Variants in CYP7B1 observed in about 807,000 individuals in gnomAD.
CYP7B1 encodes cytochrome P450 7B1.
In CYP7B1, 29 loss-of-function variants were observed where a neutral mutation model predicts 42.7. The observed-to-expected ratio is 0.68, with a 90% CI of 0.51 to 0.93. The LOEUF is 0.93. Among genes scored for constraint, CYP7B1 ranks in the 40% least tolerant of loss-of-function variants. CYP7B1 has a pLI of 0.00. For synonymous variants in CYP7B1, 235 were observed against 218.2 expected, an observed-to-expected ratio of 1.08 and a Z score of -0.68; for missense variants, 655 against 600.5, an observed-to-expected ratio of 1.09 and a Z score of -0.95.
chr8:64,624,105 T>C (rs555680979), intron 2 of CYP7B1, among the ~76,000 whole-genome samples: 5 of 151,934 alleles, frequency 3.3e-5, no homozygotes, highest in Admixed American at 6.6e-5. Flanking sequence ...AGCTTTTGTA[T>C]AGTTATATAT....
At chr8:64,754,276 C>T (rs1440998608) in intron 1 of CYP7B1, among the ~76,000 whole-genome samples, 1 of 152,052 alleles carries the variant, frequency 6.6e-6, no homozygotes, top group Admixed American at 6.5e-5. Context: ...ATCACGAAAG[C>T]CCTGCCCAAA....
Position 64,763,250 on chromosome 8 carries a change from G to C in CYP7B1, c.122+35216C>G, listed in dbSNP as rs557805961. 2.0e-5 allele frequency among the ~76,000 whole-genome samples: 3 copies of C among 152,246 alleles called. No individual in the cohort carries two copies. In the South Asian group the frequency reaches 6.2e-4, roughly 32 times the overall value. On this transcript the variant is annotated intron_variant, in intron 1 of 5. Coordinates refer to ENST00000310193, the MANE Select transcript of CYP7B1 (RefSeq NM_004820.5). ...CTAAGTGCCTGGGTTCGTCCTAATC[G>C]AGCTGAACACTAGTTGCTGGGTTCC...
intron 1 of CYP7B1, among the ~76,000 whole-genome samples, chr8:64,651,306 G>C (rs887679957): frequency 2.0e-5 from 3 of 152,204 alleles, no homozygotes; most frequent in Admixed American, 2.0e-4. Flanking sequence ...CTAGTCTGCA[G>C]CTCTTTCAAT....
chr8:64,707,160 T>C (rs1385648142), intron 1 of CYP7B1, among the ~76,000 whole-genome samples: 1 of 152,084 alleles, frequency 6.6e-6, no homozygotes, highest in Non-Finnish European at 1.5e-5. Flanking sequence ...CTGAGAGTTC[T>C]ACTAAGGCAA....
chr8:64,587,528 C>A (rs1804984565), downstream of CYP7B1, among the ~76,000 whole-genome samples: 1 of 152,236 alleles, frequency 6.6e-6, no homozygotes, highest in Admixed American at 6.5e-5. Flanking sequence ...CCGCACCAAA[C>A]CCGAAGCATC....
At chr8:64,603,906 A>T (rs1256934948) in intron 5 of CYP7B1, among the ~76,000 whole-genome samples, 1 of 152,268 alleles carries the variant, frequency 6.6e-6, no homozygotes, top group Non-Finnish European at 1.5e-5. Context: ...AAAAAAGAGC[A>T]GCAAAGTTTC....
At chr8:64,750,144 T>C (rs1157753782) in intron 1 of CYP7B1, among the ~76,000 whole-genome samples, 1 of 152,212 alleles carries the variant, frequency 6.6e-6, no homozygotes, top group Non-Finnish European at 1.5e-5. Context: ...TTTCAAGGCT[T>C]TTTTATTTGC....
Position 64,595,509 on chromosome 8 carries a change from G to T in CYP7B1, c.*1133C>A, listed in dbSNP as rs73237746. On this transcript the variant is annotated 3_prime_UTR_variant, in exon 6 of 6. Transcript: ENST00000310193. ...CTGATATTAGAATCTTTGAATCACTGGGCTTGGTGGTACATGCCTGTAGTC... is the reference window on the plus strand; with the variant it reads ...CTGATATTAGAATCTTTGAATCACTTGGCTTGGTGGTACATGCCTGTAGTC... 0.024 allele frequency among the ~76,000 whole-genome samples: 3,670 copies of T among 152,134 alleles called. 130 individuals are homozygous for T. The highest frequency in any genetic ancestry group is 0.08 in the African/African-American group (3,318 of 41,500).
At chr8:64,689,456 T>C (rs1003604672) in intron 1 of CYP7B1, among the ~76,000 whole-genome samples, 5 of 152,190 alleles carry the variant, frequency 3.3e-5, no homozygotes, top group African/African-American at 1.2e-4. Flanking sequence ...ACACATTCCT[T>C]CTTCTGTGCT....
chr8:64,603,586 A>T (rs762740981), intron 5 of CYP7B1, among the ~76,000 whole-genome samples: 1 of 152,226 alleles, frequency 6.6e-6, no homozygotes, highest in Non-Finnish European at 1.5e-5. Flanking sequence ...TTGTTCTTTG[A>T]TACTTACAAA....
At chr8:64,742,715 C>T (rs116153910) in intron 1 of CYP7B1, among the ~76,000 whole-genome samples, 139 of 152,238 alleles carry the variant, frequency 9.1e-4, no homozygotes, top group African/African-American at 3.2e-3. Flanking sequence ...CTCACCTGAC[C>T]TTTCCTCCAG....
At chr8:64,748,498 C>T (rs993838057) in intron 1 of CYP7B1, among the ~76,000 whole-genome samples, 2 of 152,130 alleles carry the variant, frequency 1.3e-5, no homozygotes, top group African/African-American at 4.8e-5. Context: ...ATTCATTTAC[C>T]TGCCCCTGTG....
intron 1 of CYP7B1, among the ~76,000 whole-genome samples, chr8:64,711,778 C>T (rs1422636942): frequency 6.6e-6 from 1 of 152,118 alleles, no homozygotes; most frequent in Admixed American, 6.6e-5. Context: ...ATAAGTCTTG[C>T]TCAGAAAGAT....
Position 64,711,355 on chromosome 8 carries a change from C to T in CYP7B1, c.123-86816G>A, listed in dbSNP as rs554900124. 3.3e-5 allele frequency among the ~76,000 whole-genome samples: 5 copies of T among 152,296 alleles called. No homozygotes were observed. The East Asian group carries it at 9.6e-4, about 29-fold the overall frequency. ...CATGGTAAACCTCCTGGCGTCTCTC[C>T]TGCTTGGTGGCCTCACTGCCTGGGA... On this transcript the variant is annotated intron_variant, in intron 1 of 5. Coordinates refer to ENST00000310193, the MANE Select transcript of CYP7B1 (RefSeq NM_004820.5).
At chr8:64,717,496 T>C (rs1807173869) in intron 1 of CYP7B1, among the ~76,000 whole-genome samples, 1 of 152,224 alleles carries the variant, frequency 6.6e-6, no homozygotes. Context: ...AGTCTGAAAG[T>C]ATAAAATAAC....
intron 1 of CYP7B1, among the ~76,000 whole-genome samples, chr8:64,672,593 A>C (rs964152936): frequency 6.6e-6 from 1 of 152,096 alleles, no homozygotes; most frequent in Non-Finnish European, 1.5e-5. Flanking sequence ...AGAGGAAAAA[A>C]TGTGGAGAAA....
intron 1 of CYP7B1, among the ~76,000 whole-genome samples, chr8:64,794,806 A>G (rs1563431196): frequency 6.6e-6 from 1 of 152,244 alleles, no homozygotes; most frequent in Non-Finnish European, 1.5e-5. Flanking sequence ...TCACCTTGAC[A>G]AAGAGTAAAA....
At chr8:64,624,600 T>G in intron 1 of CYP7B1, 61 bp from the exon 2 acceptor site, 1 of 1,586,224 alleles carries the variant, frequency 6.3e-7, no homozygotes, top group Non-Finnish European at 8.6e-7. Context: ...CTTATTCGAA[T>G]ACAGGTGGTT....
chr8:64,774,456 T>C (rs1335335226), intron 1 of CYP7B1, among the ~76,000 whole-genome samples: 1 of 152,188 alleles, frequency 6.6e-6, no homozygotes, highest in East Asian at 1.9e-4. Flanking sequence ...GGAAAAGTCA[T>C]GTCAATAGGA....
Sources: gnomAD v4.1 joint callset for allele counts (sites outside exome capture counted in the v4.1 genomes callset) on GRCh38, gnomAD v4.1.1 for gene constraint, MANE v1.5 for transcripts, NCBI Gene and HGNC (gene_info 2026-07-23, HGNC 2026-07-21) for gene names.